Variants in AKAIN1 observed in about 807,000 individuals in gnomAD.
AKAIN1 encodes the protein A-kinase anchor protein inhibitor 1.
In AKAIN1, 3 loss-of-function variants were observed where a neutral mutation model predicts 3.7. That is an observed-to-expected ratio of 0.82 (90% CI 0.37 to 2.12). AKAIN1 has a LOEUF of 2.12. Among genes scored for constraint, AKAIN1 ranks in the 30% most tolerant of loss-of-function variants. The pLI, the probability that AKAIN1 is intolerant of heterozygous loss-of-function variation, is 0.06. For synonymous variants in AKAIN1, 31 were observed against 30.8 expected, an observed-to-expected ratio of 1.01 and a Z score of -0.02; for missense variants, 82 against 82.7, an observed-to-expected ratio of 0.99 and a Z score of 0.03.
chr18:5,151,967 C>G (rs2071082316), intron 1 of AKAIN1, among the ~76,000 whole-genome samples: 1 of 152,206 alleles, frequency 6.6e-6, no homozygotes, highest in Admixed American at 6.5e-5. Context: ...GTCATAGTCC[C>G]TACCCTATGT....
intron 1 of AKAIN1, among the ~76,000 whole-genome samples, chr18:5,160,885 A>T (rs2071135371): frequency 6.6e-6 from 1 of 152,032 alleles, no homozygotes; most frequent in South Asian, 2.1e-4. Context: ...GCTGTTTTTA[A>T]ATTATTTATT....
chr18:5,184,023 C>G (rs115955063), intron 1 of AKAIN1, among the ~76,000 whole-genome samples: 2 of 151,908 alleles, frequency 1.3e-5, no homozygotes, highest in Non-Finnish European at 2.9e-5. Flanking sequence ...AAATCACTAA[C>G]AAAAAACACC....
intron 1 of AKAIN1, among the ~76,000 whole-genome samples, chr18:5,182,502 T>C (rs926631526): frequency 2.0e-5 from 3 of 152,108 alleles, no homozygotes; most frequent in African/African-American, 7.2e-5. Context: ...TGCCACTAAA[T>C]GTGAAAGTGA....
chr18:5,152,635 A>G (rs1387706673), intron 1 of AKAIN1, among the ~76,000 whole-genome samples: 1 of 152,094 alleles, frequency 6.6e-6, no homozygotes, highest in Non-Finnish European at 1.5e-5. Context: ...GAACTCATCT[A>G]ATTTAGGTGT....
chr18:5,170,608 T>G (rs989695208), intron 1 of AKAIN1: 1 of 152,152 alleles, frequency 6.6e-6, no homozygotes, highest in East Asian at 1.9e-4. Context: ...ATGAAAACCA[T>G]AGCATGCAGA....
Position 5,181,984 on chromosome 18 carries a change from G to A in AKAIN1, c.16+15054C>T, listed in dbSNP as rs112116624. ...TCAGGGCCATTGAGTGTACTTACAC[G>A]TTCATCCTCATACCTAAACGTATTC... On this transcript the variant is annotated intron_variant, in intron 1 of 1. Coordinates refer to ENST00000434239, the MANE Select transcript of AKAIN1 (RefSeq NM_001145194.2). Among the ~76,000 whole-genome samples, 92 of 152,148 alleles carry A rather than the reference G, an allele frequency of 6.0e-4. 1 individual carries two copies. The highest frequency in any genetic ancestry group is 9.9e-4 in the Non-Finnish European group (67 of 67,980).
intron 1 of AKAIN1, among the ~76,000 whole-genome samples, chr18:5,147,883 T>A (rs562162479): frequency 6.6e-6 from 1 of 152,324 alleles, no homozygotes; most frequent in East Asian, 1.9e-4. Flanking sequence ...TAGAAATTTT[T>A]CTATATGAAG....
chr18:5,165,290 T>C (rs1470284675), intron 1 of AKAIN1, among the ~76,000 whole-genome samples: 1 of 151,974 alleles, frequency 6.6e-6, no homozygotes, highest in Non-Finnish European at 1.5e-5. Flanking sequence ...GTCCCTTAGC[T>C]ACCGACTCTA....
intron 1 of AKAIN1, among the ~76,000 whole-genome samples, chr18:5,187,601 G>A (rs777963316): frequency 2.6e-5 from 4 of 152,014 alleles, no homozygotes; most frequent in Non-Finnish European, 4.4e-5. Context: ...TACAATAATG[G>A]CATTAACCCA....
At chr18:5,193,728 TA>T (rs1216704582) in intron 1 of AKAIN1, among the ~76,000 whole-genome samples, 2 of 152,174 alleles carry the variant, frequency 1.3e-5, no homozygotes, top group African/African-American at 4.8e-5. Flanking sequence ...GCCTACAAAT[TA>T]GTAATAATTC....
intron 1 of AKAIN1, among the ~76,000 whole-genome samples, chr18:5,155,180 G>C (rs2071100431): frequency 1.3e-5 from 2 of 152,042 alleles, no homozygotes. Context: ...GCCACTGCAC[G>C]GGCCAGCCTT....
At chr18:5,191,857 G>A (rs993879498) in intron 1 of AKAIN1, among the ~76,000 whole-genome samples, 10 of 152,036 alleles carry the variant, frequency 6.6e-5, no homozygotes, top group African/African-American at 1.2e-4. Context: ...TAGGACTCAC[G>A]TCTAAATACA....
intron 1 of AKAIN1, among the ~76,000 whole-genome samples, chr18:5,189,363 T>A (rs1208238495): frequency 6.6e-6 from 1 of 152,232 alleles, no homozygotes; most frequent in African/African-American, 2.4e-5. Flanking sequence ...TTCTGCCCTC[T>A]GCATTCTCTA....
intron 1 of AKAIN1, among the ~76,000 whole-genome samples, chr18:5,178,595 T>A (rs2071239397): frequency 6.6e-6 from 1 of 152,122 alleles, no homozygotes. Flanking sequence ...TTATACGACA[T>A]GTACAGAGCA....
At chr18:5,156,666 A>G (rs182304233) in intron 1 of AKAIN1, among the ~76,000 whole-genome samples, 315 of 152,322 alleles carry the variant, frequency 2.1e-3, no homozygotes, top group African/African-American at 7.3e-3. Context: ...CAGCCTCCAT[A>G]TTCAGCACAT....
intron 1 of AKAIN1, among the ~76,000 whole-genome samples, chr18:5,180,726 G>T (rs976791258): frequency 2.0e-5 from 3 of 151,950 alleles, no homozygotes; most frequent in African/African-American, 7.3e-5. Flanking sequence ...CTACAGTATG[G>T]CAATAAACAC....
chr18:5,191,297 G>A (rs550064154), intron 1 of AKAIN1, among the ~76,000 whole-genome samples: 1 of 152,242 alleles, frequency 6.6e-6, no homozygotes, highest in African/African-American at 2.4e-5. Flanking sequence ...AAAGAGTGAA[G>A]CAAGAACATA....
rs751411281 is a variant in AKAIN1, at chr18:5,159,684, A to AT, written c.17-13930dup. On this transcript the variant is annotated intron_variant, in intron 1 of 1. Transcript: ENST00000434239. ...CAGCTGCATTTTTTCAATTCATCTTATTTTTTCATGAAACATTAAGTTCTT... is the reference window on the plus strand; with the variant it reads ...CAGCTGCATTTTTTCAATTCATCTTATTTTTTTCATGAAACATTAAGTTCTT... Among the ~76,000 whole-genome samples the AT allele has an allele frequency of 5.3e-5, 8 of 152,096 alleles. No homozygotes were observed. In the East Asian group the frequency reaches 1.2e-3, roughly 22 times the overall value.
Position 5,168,247 on chromosome 18 carries a change from A to G in AKAIN1, c.17-22492T>C, listed in dbSNP as rs532763599. 2.0e-5 allele frequency among the ~76,000 whole-genome samples: 3 copies of G among 152,280 alleles called. No homozygotes were observed. In the South Asian group the frequency reaches 6.2e-4, roughly 32 times the overall value. ...GCTAACTTGAAGGAAACCTAGTTAT[A>G]GCAGAGCAGAGGGAAGCAATAAAGA... is the stretch of plus-strand genomic sequence containing the variant. On this transcript the variant is annotated intron_variant, in intron 1 of 1. Transcript: ENST00000434239.
Sources: gnomAD v4.1 joint callset for allele counts (sites outside exome capture counted in the v4.1 genomes callset) on GRCh38, gnomAD v4.1.1 for gene constraint, MANE v1.5 for transcripts, NCBI Gene and HGNC (gene_info 2026-07-23, HGNC 2026-07-21) for gene names.